Variants in ZMAT4 observed in about 807,000 individuals in gnomAD.
The protein encoded by ZMAT4 is zinc finger matrin-type 4, also known as zinc finger matrin-type protein 4.
Under a neutral mutation model 28.7 loss-of-function variants are expected in ZMAT4, and 17 were observed. The observed-to-expected ratio is 0.59, with a 90% CI of 0.41 to 0.89. The LOEUF (loss-of-function observed/expected upper bound fraction) is 0.89, where lower values mean the gene tolerates loss of function less well. Among genes scored for constraint, ZMAT4 ranks in the 40% least tolerant of loss-of-function variants. ZMAT4 has a pLI of 0.00. For missense variants in ZMAT4, 240 were observed against 283.8 expected, an observed-to-expected ratio of 0.85 and a Z score of 1.11; for synonymous variants, 117 against 109.2, an observed-to-expected ratio of 1.07 and a Z score of -0.44.
chr8:40,869,171 A>T (rs961713246), intron 1 of ZMAT4, among the ~76,000 whole-genome samples: 157 of 152,300 alleles, frequency 1.0e-3, no homozygotes, highest in African/African-American at 3.5e-3. Flanking sequence ...TAGACATATA[A>T]ATATGAGCCA....
At chr8:40,695,919 G>A (rs1044508258) in intron 4 of ZMAT4, among the ~76,000 whole-genome samples, 3 of 151,946 alleles carry the variant, frequency 2.0e-5, no homozygotes, top group Non-Finnish European at 4.4e-5. Flanking sequence ...CTTCAGCAGA[G>A]AGAACAAATG....
chr8:40,615,098 G>A (rs1585761662), intron 5 of ZMAT4, among the ~76,000 whole-genome samples: 1 of 152,132 alleles, frequency 6.6e-6, no homozygotes, highest in Non-Finnish European at 1.5e-5. Flanking sequence ...GTTTCCTTCA[G>A]GAGCTCTTTT....
intron 3 of ZMAT4, among the ~76,000 whole-genome samples, chr8:40,716,837 T>G (rs1810879770): frequency 6.6e-6 from 1 of 152,192 alleles, no homozygotes; most frequent in Non-Finnish European, 1.5e-5. Flanking sequence ...GACCTAGGCC[T>G]TTTTACTTTG....
At chr8:40,808,658 A>T in intron 2 of ZMAT4, 1 of 395,832 alleles carries the variant, frequency 2.5e-6, no homozygotes, top group Non-Finnish European at 5.1e-6. Context: ...AGACATCTTC[A>T]CTCAGGGGAG....
At chr8:40,599,514 G>C (rs1166609647) in intron 5 of ZMAT4, among the ~76,000 whole-genome samples, 1 of 152,102 alleles carries the variant, frequency 6.6e-6, no homozygotes, top group East Asian at 1.9e-4. Context: ...GGTTTTTTTA[G>C]TATTTAAGGG....
chr8:40,641,370 G>A (rs1215899932), intron 5 of ZMAT4, among the ~76,000 whole-genome samples: 1 of 152,156 alleles, frequency 6.6e-6, no homozygotes, highest in Non-Finnish European at 1.5e-5. Context: ...CATTTATTTT[G>A]GTTAGGTGAC....
At chr8:40,662,268 AC>A (rs1434633390) in intron 5 of ZMAT4, among the ~76,000 whole-genome samples, 1 of 152,152 alleles carries the variant, frequency 6.6e-6, no homozygotes, top group Non-Finnish European at 1.5e-5. Context: ...AGCATAAGCC[AC>A]CACACCCGGC....
rs141302071 is a variant in ZMAT4, at chr8:40,723,393, A to T, written c.193-25992T>A. The stretch of plus-strand genomic sequence containing the variant: ...CCCCGTCTCTACCAAAAATACAAAA[A>T]TTAGCTCGGCATGGTGGCAGGCACC... On this transcript the variant is annotated intron_variant, in intron 3 of 6. Transcript: ENST00000297737. 4.7e-3 allele frequency among the ~76,000 whole-genome samples: 716 copies of T among 152,062 alleles called. 3 individuals carry two copies. Among genetic ancestry groups the T allele is most frequent in the African/African-American group, 0.016 (682 of 41,486 alleles).
At chr8:40,801,799 T>G (rs191705408) in intron 2 of ZMAT4, among the ~76,000 whole-genome samples, 176 of 151,956 alleles carry the variant, frequency 1.2e-3, no homozygotes, top group African/African-American at 4.1e-3. Flanking sequence ...CAGACCAATA[T>G]CTCCTATGAA....
At chr8:40,717,135 T>C (rs1263818435) in intron 3 of ZMAT4, among the ~76,000 whole-genome samples, 1 of 152,170 alleles carries the variant, frequency 6.6e-6, no homozygotes, top group Non-Finnish European at 1.5e-5. Flanking sequence ...CTTTTCCCAG[T>C]AGGGTGAAGT....
chr8:40,848,136 C>T (rs1816974809), intron 1 of ZMAT4, among the ~76,000 whole-genome samples: 1 of 152,108 alleles, frequency 6.6e-6, no homozygotes, highest in Admixed American at 6.5e-5. Context: ...ATAACCCAAA[C>T]AAAGGAAAAC....
chr8:40,858,266 G>T (rs917294324), intron 1 of ZMAT4, among the ~76,000 whole-genome samples: 2 of 152,168 alleles, frequency 1.3e-5, no homozygotes, highest in Non-Finnish European at 2.9e-5. Context: ...GGAAATCAAT[G>T]GGGGTGAGGC....
chr8:40,881,675 G>C (rs1455790569), intron 1 of ZMAT4, among the ~76,000 whole-genome samples: 2 of 152,172 alleles, frequency 1.3e-5, no homozygotes, highest in Non-Finnish European at 2.9e-5. Flanking sequence ...AGGAGCAACT[G>C]TATGGGGACT....
At chr8:40,543,824 A>G (rs74428960) in intron 6 of ZMAT4, among the ~76,000 whole-genome samples, 1,656 of 152,290 alleles carry the variant, frequency 0.011, 31 homozygotes, top group African/African-American at 0.038. Flanking sequence ...AACTGAGATA[A>G]GGTAGAGGGA....
At position 40,691,169 on chromosome 8, in the gene ZMAT4, CT is replaced by C. The variant is rs1193068836; in HGVS notation, c.349+6075del. On this transcript the variant is annotated intron_variant, in intron 4 of 6. Transcript: ENST00000297737. ...CAACCTTGATGTATGTGTGTTTCTGCTTAAATGTGTCTGATTTAATATAAAT... is the reference window on the plus strand; with the variant it reads ...CAACCTTGATGTATGTGTGTTTCTGCTAAATGTGTCTGATTTAATATAAAT... Among the ~76,000 whole-genome samples the C allele has an allele frequency of 2.0e-5, 3 of 152,130 alleles. No individual in the cohort carries two copies. In the East Asian group the frequency reaches 5.8e-4, roughly 29 times the overall value.
intron 2 of ZMAT4, among the ~76,000 whole-genome samples, chr8:40,796,888 C>T (rs1022003745): frequency 6.6e-6 from 1 of 152,176 alleles, no homozygotes; most frequent in Non-Finnish European, 1.5e-5. Flanking sequence ...TCATCTCCTT[C>T]CCAGGGCAGG....
At chr8:40,647,904 C>G (rs1169568498) in intron 5 of ZMAT4, among the ~76,000 whole-genome samples, 1 of 152,122 alleles carries the variant, frequency 6.6e-6, no homozygotes, top group Admixed American at 6.5e-5. Flanking sequence ...GAAAGGACAT[C>G]CACACCAAAA....
At chr8:40,542,668 C>T (rs900282484) in intron 6 of ZMAT4, among the ~76,000 whole-genome samples, 16 of 152,134 alleles carry the variant, frequency 1.1e-4, no homozygotes, top group Admixed American at 3.9e-4. Context: ...GAATTATACG[C>T]ATGAACCAGT....
chr8:40,873,517 G>T (rs1014948858), intron 1 of ZMAT4, among the ~76,000 whole-genome samples: 1 of 152,130 alleles, frequency 6.6e-6, no homozygotes, highest in Non-Finnish European at 1.5e-5. Context: ...CCAAAATGGT[G>T]CATGGGTCCC....
Sources: gnomAD v4.1 joint callset for allele counts (sites outside exome capture counted in the v4.1 genomes callset) on GRCh38, gnomAD v4.1.1 for gene constraint, MANE v1.5 for transcripts, NCBI Gene and HGNC (gene_info 2026-07-23, HGNC 2026-07-21) for gene names.